SLC5A4: variants seen among roughly 807,000 people sequenced by gnomAD.
The protein encoded by SLC5A4 is probable glucose sensor protein SLC5A4.
SLC5A4 carries 55 observed loss-of-function variants against 70.3 expected under a neutral mutation model. The ratio of observed to expected loss-of-function variants is 0.78; its 90% CI spans 0.63 to 0.98. The LOEUF (loss-of-function observed/expected upper bound fraction) is 0.98. SLC5A4 is among the 50% of genes least tolerant of loss of function. The pLI is 0.00. For missense variants in SLC5A4, 735 were observed against 839.2 expected (o/e 0.88, Z 1.53); for synonymous variants, 268 against 305.7 (o/e 0.88, Z 1.29).
At chr22:32,305,785 T>G in the SLC5A4 span, among the ~76,000 whole-genome samples, 2 of 151,154 alleles carry the variant, frequency 1.3e-5, no homozygotes, top group Non-Finnish European at 2.9e-5. Context: ...ACATGGCATG[T>G]CACACCAGGG....
the SLC5A4 span, among the ~76,000 whole-genome samples, chr22:32,335,745 C>T: frequency 2.6e-4 from 39 of 152,298 alleles, no homozygotes; most frequent in African/African-American, 8.9e-4. Flanking sequence ...TCCCAGCACA[C>T]AGGGTGTGAC....
intron 5 of SLC5A4, among the ~76,000 whole-genome samples, chr22:32,243,037 A>G (rs576775715): frequency 1.3e-5 from 2 of 152,352 alleles, no homozygotes; most frequent in African/African-American, 4.8e-5. Flanking sequence ...AAAATAAAAC[A>G]GTAATTCTAT....
At chr22:32,276,881 TA>T in the SLC5A4 span, 1 of 152,196 alleles carries the variant, frequency 6.6e-6, no homozygotes, top group Admixed American at 6.5e-5. Flanking sequence ...AATTCATTAA[TA>T]AGGTCATATA....
chr22:32,252,295 G>A (rs1488709552), intron 2 of SLC5A4, among the ~76,000 whole-genome samples: 2 of 152,022 alleles, frequency 1.3e-5, no homozygotes, highest in Admixed American at 1.3e-4. Context: ...CTCAGAGCAG[G>A]AGTCAAGCAA....
At chr22:32,242,447 T>C (rs1453236623) in intron 5 of SLC5A4, among the ~76,000 whole-genome samples, 2 of 152,194 alleles carry the variant, frequency 1.3e-5, no homozygotes, top group African/African-American at 2.4e-5. Context: ...TGGTGGCTCA[T>C]GCCTGTAATC....
the SLC5A4 span, among the ~76,000 whole-genome samples, chr22:32,335,224 A>AGCC: frequency 6.6e-6 from 1 of 152,166 alleles, no homozygotes; most frequent in Non-Finnish European, 1.5e-5. Context: ...CACCAGTGAC[A>AGCC]GCCGCTTCCG....
chr22:32,329,222 G>C, the SLC5A4 span, among the ~76,000 whole-genome samples: 1 of 152,172 alleles, frequency 6.6e-6, no homozygotes, highest in African/African-American at 2.4e-5. Context: ...TGGCAGAGAG[G>C]ACCCCAGGAT....
chr22:32,312,230 C>CT, the SLC5A4 span, among the ~76,000 whole-genome samples: 18 of 152,138 alleles, frequency 1.2e-4, no homozygotes, highest in Non-Finnish European at 2.4e-4. Flanking sequence ...TAGCAAGAAG[C>CT]TTGCAGCCTG....
the SLC5A4 span, among the ~76,000 whole-genome samples, chr22:32,321,115 A>G: frequency 1.7e-3 from 256 of 152,312 alleles, 2 homozygotes; most frequent in African/African-American, 6.1e-3. Context: ...TTGAAACCCC[A>G]TCTCTACTAA....
the SLC5A4 span, among the ~76,000 whole-genome samples, chr22:32,322,705 A>G: frequency 6.6e-6 from 1 of 151,836 alleles, no homozygotes; most frequent in Non-Finnish European, 1.5e-5. Flanking sequence ...ATGGGTTCTG[A>G]GAAGTGCTTC....
the SLC5A4 span, among the ~76,000 whole-genome samples, chr22:32,338,422 G>A: frequency 6.6e-6 from 1 of 152,170 alleles, no homozygotes; most frequent in African/African-American, 2.4e-5. Flanking sequence ...GCCGAGGCAG[G>A]TGGATTGCTT....
the SLC5A4 span, among the ~76,000 whole-genome samples, chr22:32,338,998 C>T: frequency 6.6e-6 from 1 of 152,118 alleles, no homozygotes; most frequent in Non-Finnish European, 1.5e-5. Context: ...ATAAATGCCC[C>T]GCTGTAGGGA....
At position 32,248,765 on chromosome 22, in the gene SLC5A4, A is replaced by T; in HGVS notation, c.350T>A (p.Val117Asp). 1.2e-6 allele frequency: 2 copies of T among 1,613,292 alleles called. No individual in the cohort carries two copies. The highest frequency in any genetic ancestry group is 1.7e-6 in the Non-Finnish European group (2 of 1,179,240). Reference protein sequence around the residue: ...VMLLILGWIFVPIYIKSGVMT... With the variant: ...VMLLILGWIFDPIYIKSGVMT... The stretch of plus-strand genomic sequence containing the variant: ...CACCCCCGACTTGATGTAGATAGGG[A>T]CAAAGATCCACCCAAGAATCAGCAA... Residue 117 changes from valine to aspartate, a missense_variant, in exon 4 of 15, where the codon GTC (valine) becomes GAC (aspartate). Coordinates refer to ENST00000266086, the MANE Select transcript of SLC5A4 (RefSeq NM_014227.3).
chr22:32,303,760 A>C, the SLC5A4 span, among the ~76,000 whole-genome samples: 3 of 152,178 alleles, frequency 2.0e-5, no homozygotes, highest in East Asian at 5.8e-4. Context: ...AAAGCTATAA[A>C]CACCCATGTG....
the SLC5A4 span, among the ~76,000 whole-genome samples, chr22:32,284,247 G>A: frequency 1.3e-5 from 2 of 152,294 alleles, no homozygotes; most frequent in East Asian, 1.9e-4. Flanking sequence ...CATAATATGT[G>A]TATGTATTTG....
the SLC5A4 span, among the ~76,000 whole-genome samples, chr22:32,335,649 G>A: frequency 5.4e-4 from 82 of 152,310 alleles, no homozygotes; most frequent in African/African-American, 1.9e-3. Flanking sequence ...CACGGAGTCC[G>A]GTCCAAGCCC....
the SLC5A4 span, among the ~76,000 whole-genome samples, chr22:32,311,726 G>A: frequency 6.6e-6 from 1 of 152,188 alleles, no homozygotes; most frequent in African/African-American, 2.4e-5. Flanking sequence ...TCACTGCCCA[G>A]CATGGGGCCT....
chr22:32,306,598 C>A, the SLC5A4 span, among the ~76,000 whole-genome samples: 1 of 152,152 alleles, frequency 6.6e-6, no homozygotes, highest in Non-Finnish European at 1.5e-5. Flanking sequence ...CTCAGAGAGA[C>A]CCCATGCCTG....
the SLC5A4 span, among the ~76,000 whole-genome samples, chr22:32,349,957 T>G: frequency 2.6e-5 from 4 of 152,212 alleles, no homozygotes. Context: ...TCTTTAGCTC[T>G]CTTTCCCCAA....
Sources: allele counts gnomAD v4.1 joint callset (sites outside exome capture counted in the v4.1 genomes callset), GRCh38; gene constraint gnomAD v4.1.1; transcripts MANE v1.5; gene names NCBI Gene and HGNC (gene_info 2026-07-23, HGNC 2026-07-21).